Variants in MYO5C observed in about 807,000 individuals in gnomAD.
MYO5C encodes the protein myosin VC.
In MYO5C, 194 loss-of-function variants were observed where a neutral mutation model predicts 235.7. That is an observed-to-expected ratio of 0.82 (90% confidence interval 0.73 to 0.93). The LOEUF (loss-of-function observed/expected upper bound fraction) is 0.93. MYO5C is among the 40% of genes least tolerant of loss of function. MYO5C has a pLI of 0.00. For synonymous variants in MYO5C, 707 were observed against 754.8 expected, an observed-to-expected ratio of 0.94 and a Z score of 1.04; for missense variants, 2,038 against 2,127.2, an observed-to-expected ratio of 0.96 and a Z score of 0.82.
rs776275485 is a variant in MYO5C, at chr15:52,279,602, C to T, written c.211G>A (p.Asp71Asn). 1 of 1,614,066 alleles carries T rather than the reference C, an allele frequency of 6.2e-7. No homozygotes were observed. Among genetic ancestry groups the T allele is most frequent in the Non-Finnish European group, 8.5e-7 (1 of 1,179,936 alleles). ...TGAAGATAGCTGAGAGCCGTGAGGTCATTCTCGCCCACGAGGATGTCAGGA... is the reference window on the plus strand; with the variant it reads ...TGAAGATAGCTGAGAGCCGTGAGGTTATTCTCGCCCACGAGGATGTCAGGA... ...RNPDILVGENDLTALSYLHEP... is the reference protein window; with the variant it reads ...RNPDILVGENNLTALSYLHEP... Residue 71 changes from aspartate to asparagine, a missense_variant, in exon 3 of 41, where the codon GAC becomes AAC. Asp to Asn is a conservative substitution (Grantham distance 23). Transcript: ENST00000261839.
chr15:52,253,205 C>T, intron 12 of MYO5C, 112 bp downstream of exon 12: 2 of 1,082,244 alleles, frequency 1.8e-6, no homozygotes, highest in Non-Finnish European at 1.3e-6. Context: ...ATCCATCCAA[C>T]CAACTGGATA....
Position 52,237,513 on chromosome 15 carries a change from T to C in MYO5C, c.2837A>G (p.Lys946Arg). The change falls in exon 22 of 41, where the codon AAG (lysine) becomes AGG (arginine). Residue 946 changes from lysine (K) to arginine (R), a missense_variant. By Grantham distance (26) the Lys-to-Arg change is conservative (BLOSUM62 2). Transcript: ENST00000261839. ...AATHRRNYEE[K>R]GKRYRDAVEE... ...CACAGCATCCCTGTATCTCTTCCCC[T>C]TCTCCTCGTAATTTCGCCTGTGAGT... 2 of 1,614,168 alleles carry C rather than the reference T, an allele frequency of 1.2e-6. No individual in the cohort carries two copies. Among genetic ancestry groups the C allele is most frequent in the South Asian group, 2.2e-5 (2 of 91,080 alleles).
At chr15:52,212,546 C>T (rs1242881002) in intron 34 of MYO5C, among the ~76,000 whole-genome samples, 1 of 152,146 alleles carries the variant, frequency 6.6e-6, no homozygotes, top group East Asian at 1.9e-4. Flanking sequence ...GAAGGCTACA[C>T]GTTGGCTTTC....
At chr15:52,269,164 T>C (rs2036868753) in intron 8 of MYO5C, among the ~76,000 whole-genome samples, 1 of 152,222 alleles carries the variant, frequency 6.6e-6, no homozygotes, top group Admixed American at 6.5e-5. Flanking sequence ...ATTCTTGTAC[T>C]CAGCCTAGAA....
intron 20 of MYO5C, among the ~76,000 whole-genome samples, chr15:52,240,258 G>T (rs1035372806): frequency 6.6e-6 from 1 of 151,240 alleles, no homozygotes; most frequent in African/African-American, 2.4e-5. Flanking sequence ...AAAGATACTT[G>T]TCATATTCAA....
intron 1 of MYO5C, among the ~76,000 whole-genome samples, chr15:52,294,937 G>A (rs906099114): frequency 2.0e-5 from 3 of 152,236 alleles, no homozygotes; most frequent in African/African-American, 4.8e-5. Context: ...TAGGCAAAGA[G>A]CCTACGACTG....
chr15:52,268,124 A>G (rs892237638), intron 8 of MYO5C, among the ~76,000 whole-genome samples: 3 of 152,206 alleles, frequency 2.0e-5, no homozygotes, highest in African/African-American at 7.2e-5. Flanking sequence ...TCCATTATCC[A>G]GCTGTGATCG....
Position 52,279,538 on chromosome 15 carries a change from G to C in MYO5C, c.275C>G (p.Ala92Gly). 6 of 1,613,888 alleles carry C rather than the reference G, an allele frequency of 3.7e-6. No homozygotes were observed. The highest frequency in any genetic ancestry group is 5.1e-6 in the Non-Finnish European group (6 of 1,179,776). ...AVLHNLRIRF[A>G]ESKLIYTYSG... ...GTAGGTGTAAATGAGTTTGGATTCT[G>C]CAAAGCGGATTCTGAGGTTGTGGAG... Residue 92 changes from alanine (A) to glycine (G), a missense_variant, in exon 3 of 41, where the codon GCA (alanine) becomes GGA (glycine). By Grantham distance (60) the Ala-to-Gly change is moderately conservative. Coordinates refer to ENST00000261839, the MANE Select transcript of MYO5C (RefSeq NM_018728.4).
chr15:52,213,563 G>A lies in MYO5C; in HGVS notation c.4043-277C>T, dbSNP rs192104341. ...GATATGTATCCAGCACATGGTAACA[G>A]GAAAGAAATCCAAGATGTTGCCTTG... On this transcript the variant is annotated intron_variant, in intron 33 of 40. Coordinates refer to ENST00000261839, the MANE Select transcript of MYO5C (RefSeq NM_018728.4). The A allele has an allele frequency of 1.6e-5, 4 of 251,218 alleles. No individual in the cohort carries two copies. In the East Asian group the frequency reaches 3.0e-4, roughly 19 times the overall value. The allele number at this position is 251,218 out of a possible 1,614,324, so 15.6% of individuals were successfully genotyped here.
At chr15:52,222,885 C>T (rs868635178) in intron 29 of MYO5C, among the ~76,000 whole-genome samples, 4 of 152,054 alleles carry the variant, frequency 2.6e-5, no homozygotes, top group African/African-American at 4.8e-5. Context: ...ATTTGAAGGC[C>T]GGGCACGGTG....
At chr15:52,214,719 A>T in intron 32 of MYO5C, 29 bp from the exon 33 acceptor site, 1 of 1,467,826 alleles carries the variant, frequency 6.8e-7, no homozygotes, top group Non-Finnish European at 9.2e-7. Context: ...ACCAGGATTT[A>T]GCTTAGAAGC....
chr15:52,242,248 C>T, intron 19 of MYO5C, 35 bp from the exon 20 acceptor site: 1 of 1,582,164 alleles, frequency 6.3e-7, no homozygotes, highest in Non-Finnish European at 8.6e-7. Flanking sequence ...AGTCTGTTAC[C>T]CACAGAGCAT....
chr15:52,251,641 T>TTTTATTTATTTA (rs201403762), intron 12 of MYO5C, 126 bp from the exon 13 acceptor site: 67 of 323,960 alleles, frequency 2.1e-4, no homozygotes, highest in Non-Finnish European at 1.6e-4. Context: ...ATTAGAGGCT[T>TTTTATTTATTTA]TTTATTTATT....
intron 10 of MYO5C, among the ~76,000 whole-genome samples, chr15:52,260,119 A>C (rs778851455): frequency 2.6e-5 from 4 of 152,258 alleles, no homozygotes; most frequent in Admixed American, 6.5e-5. Flanking sequence ...CCTCCATGCC[A>C]GCTTCCACTC....
chr15:52,237,134 C>T, intron 22 of MYO5C: 1 of 166,662 alleles, frequency 6.0e-6, no homozygotes, highest in Non-Finnish European at 1.3e-5. Context: ...CAGGGGAAGA[C>T]ATTTCCAGGG....
In MYO5C at chr15:52,285,764, C is replaced by T. The variant is rs555685391; in HGVS notation, c.28-2872G>A. ...GGGATTGCAGACGGAGTGTCGTTCA[C>T]TCAGTGCTCAATGGTGCCCAGGCTG... On this transcript the variant is annotated intron_variant, in intron 1 of 40. Transcript: ENST00000261839. Among the ~76,000 whole-genome samples, 5 of 152,354 alleles carry T rather than the reference C, an allele frequency of 3.3e-5. No homozygotes were observed. In the East Asian group the frequency reaches 9.7e-4, roughly 29 times the overall value.
Position 52,279,422 on chromosome 15 carries a change from A to T in MYO5C, c.304+87T>A, listed in dbSNP as rs933515466. The T allele has an allele frequency of 2.2e-6, 3 of 1,374,366 alleles. No homozygotes were observed. In the African/African-American group the frequency reaches 4.3e-5, roughly 20 times the overall value. 85.1% of individuals were successfully genotyped at this position (1,374,366 alleles called of 1,614,324 possible). Reference sequence around the variant, plus strand: ...TTTTTACAACAAACTCTGGGTGCTCAGTATAAACATAAAACAACCAGGAGG... The same window carrying T: ...TTTTTACAACAAACTCTGGGTGCTCTGTATAAACATAAAACAACCAGGAGG... On this transcript the variant is annotated intron_variant, in intron 3 of 40. Coordinates refer to ENST00000261839, the MANE Select transcript of MYO5C (RefSeq NM_018728.4).
At chr15:52,256,585 A>ACG (rs767638097) in intron 11 of MYO5C, 54 bp downstream of exon 11, 62 of 870,692 alleles carry the variant, frequency 7.1e-5, no homozygotes, top group African/African-American at 7.1e-4. Flanking sequence ...ACACACACAC[A>ACG]CACGCGCGCG....
intron 4 of MYO5C, among the ~76,000 whole-genome samples, chr15:52,276,292 C>CA (rs1566991182): frequency 1.3e-5 from 2 of 152,126 alleles, no homozygotes; most frequent in African/African-American, 4.8e-5. Flanking sequence ...AAAAGCAGCA[C>CA]GGGGAAAAGG....
Sources: allele counts gnomAD v4.1 joint callset (sites outside exome capture counted in the v4.1 genomes callset), GRCh38; gene constraint gnomAD v4.1.1; transcripts MANE v1.5; gene names NCBI Gene and HGNC (gene_info 2026-07-23, HGNC 2026-07-21).